Variants in CWF19L2 observed in about 807,000 individuals in gnomAD.
CWF19L2 encodes the protein CWF19 like cell cycle control factor 2.
A neutral mutation model predicts 111.7 loss-of-function variants in CWF19L2; 98 were observed. That is an observed-to-expected ratio of 0.88 (90% confidence interval 0.75 to 1.04). CWF19L2 has a LOEUF of 1.04. CWF19L2 is among the 50% of genes least tolerant of loss of function. CWF19L2 has a pLI of 0.00. For synonymous variants in CWF19L2, 351 were observed against 342.9 expected (o/e 1.02, Z -0.26); for missense variants, 1,101 against 1,051.4 (o/e 1.05, Z -0.65).
intron 16 of CWF19L2, among the ~76,000 whole-genome samples, chr11:107,330,705 G>A (rs1232165455): frequency 7.2e-6 from 1 of 138,196 alleles, no homozygotes; most frequent in African/African-American, 2.8e-5. Context: ...ACTATTTCAT[G>A]ACTAGGAAAA....
chr11:107,408,544 T>A (rs933822613), intron 10 of CWF19L2, among the ~76,000 whole-genome samples: 1 of 151,982 alleles, frequency 6.6e-6, no homozygotes, highest in Non-Finnish European at 1.5e-5. Flanking sequence ...TATACACCAT[T>A]TTCTTTAATT....
At chr11:107,391,595 T>C (rs1860848060) in intron 11 of CWF19L2, among the ~76,000 whole-genome samples, 1 of 152,204 alleles carries the variant, frequency 6.6e-6, no homozygotes, top group African/African-American at 2.4e-5. Flanking sequence ...AGTCCCAGAT[T>C]TTCCTATCAG....
chr11:107,453,993 T>C (rs555935396), intron 3 of CWF19L2, among the ~76,000 whole-genome samples: 25 of 152,260 alleles, frequency 1.6e-4, no homozygotes, highest in Admixed American at 7.2e-4. Context: ...CACAGTTCAA[T>C]AGAACACCAG....
At chr11:107,453,562 CTG>C (rs1418739912) in intron 3 of CWF19L2, among the ~76,000 whole-genome samples, 1 of 151,918 alleles carries the variant, frequency 6.6e-6, no homozygotes, top group African/African-American at 2.4e-5. Flanking sequence ...GTGGCCTTCA[CTG>C]TGTATCTGAG....
At chr11:107,357,220 A>G (rs1377659172) in intron 12 of CWF19L2, among the ~76,000 whole-genome samples, 1 of 152,160 alleles carries the variant, frequency 6.6e-6, no homozygotes, top group Non-Finnish European at 1.5e-5. Flanking sequence ...TAAGAAATCA[A>G]TGTTTGAAAC....
At chr11:107,395,003 G>A (rs1860901509) in intron 10 of CWF19L2, among the ~76,000 whole-genome samples, 1 of 152,150 alleles carries the variant, frequency 6.6e-6, no homozygotes, top group South Asian at 2.1e-4. Context: ...TCCATGATGA[G>A]GTAAGTATAG....
intron 12 of CWF19L2, among the ~76,000 whole-genome samples, chr11:107,359,386 C>T (rs1195875060): frequency 6.6e-6 from 1 of 152,168 alleles, no homozygotes; most frequent in Non-Finnish European, 1.5e-5. Flanking sequence ...GATGTAATTA[C>T]AAGTACCAGC....
At chr11:107,421,478 T>C (rs1325609479) in intron 8 of CWF19L2, among the ~76,000 whole-genome samples, 3 of 152,190 alleles carry the variant, frequency 2.0e-5, no homozygotes, top group South Asian at 4.1e-4. Flanking sequence ...ATAAAATTGA[T>C]AAACCTATAG....
rs1371032720 is a variant in CWF19L2, at chr11:107,378,931, C to A, written c.1872+11143G>T. On this transcript the variant is annotated intron_variant, in intron 12 of 17. Transcript: ENST00000282251. ...GGGCATAGGAAGACAAGATTGGTGA[C>A]AGACTGGATGTGGAGAACAAAGGAG... Among the ~76,000 whole-genome samples the A allele has an allele frequency of 2.0e-5, 3 of 152,070 alleles. No individual in the cohort carries two copies. The East Asian group carries it at 5.8e-4, about 29-fold the overall frequency.
intron 12 of CWF19L2, among the ~76,000 whole-genome samples, chr11:107,354,766 C>T (rs1860211169): frequency 6.6e-6 from 1 of 152,232 alleles, no homozygotes; most frequent in Admixed American, 6.5e-5. Context: ...ATACCTGCTG[C>T]ATTGGCACAT....
chr11:107,338,660 C>T (rs117603955), intron 14 of CWF19L2, among the ~76,000 whole-genome samples: 3,914 of 152,188 alleles, frequency 0.026, 80 homozygotes, highest in Non-Finnish European at 0.039. Flanking sequence ...ATAAGAAAGA[C>T]CATGTGGTGT....
At chr11:107,407,434 G>T (rs1019787542) in intron 10 of CWF19L2, among the ~76,000 whole-genome samples, 1 of 150,998 alleles carries the variant, frequency 6.6e-6, no homozygotes, top group East Asian at 1.9e-4. Context: ...GAACATATAT[G>T]AATTCATCCG....
At chr11:107,334,825 T>C in intron 16 of CWF19L2, 56 bp downstream of exon 16, 1 of 1,092,196 alleles carries the variant, frequency 9.2e-7, no homozygotes, top group African/African-American at 1.6e-5. Flanking sequence ...ACATGGAAAT[T>C]AATAAAGATC....
intron 10 of CWF19L2, among the ~76,000 whole-genome samples, chr11:107,397,611 C>T (rs1860943079): frequency 6.6e-6 from 1 of 151,888 alleles, no homozygotes; most frequent in Admixed American, 6.6e-5. Context: ...AAAGGGCATA[C>T]AACCTTGGGA....
chr11:107,434,683 A>AG (rs1861515650), intron 6 of CWF19L2, among the ~76,000 whole-genome samples: 2 of 101,618 alleles, frequency 2.0e-5, no homozygotes, highest in South Asian at 2.3e-4. Flanking sequence ...AAAAAAAAAA[A>AG]AAAAAAGAAA....
chr11:107,403,740 T>G (rs1861040152), intron 10 of CWF19L2: 4 of 875,596 alleles, frequency 4.6e-6, no homozygotes, highest in Non-Finnish European at 7.8e-6. Context: ...TCCTCCTGCT[T>G]TTTGCCGGTC....
intron 10 of CWF19L2, among the ~76,000 whole-genome samples, chr11:107,393,497 T>C (rs1477493988): frequency 6.6e-6 from 1 of 152,144 alleles, no homozygotes; most frequent in Non-Finnish European, 1.5e-5. Context: ...AAATGGAATG[T>C]TATTGGAAGG....
At chr11:107,420,837 T>A (rs895853983) in intron 8 of CWF19L2, among the ~76,000 whole-genome samples, 5 of 152,086 alleles carry the variant, frequency 3.3e-5, no homozygotes, top group African/African-American at 1.2e-4. Flanking sequence ...GCATGGTTGA[T>A]CATGGGTAAC....
At chr11:107,443,584 A>G (rs1184646717) in intron 3 of CWF19L2, among the ~76,000 whole-genome samples, 1 of 152,218 alleles carries the variant, frequency 6.6e-6, no homozygotes, top group African/African-American at 2.4e-5. Flanking sequence ...TTTATTATCA[A>G]GCCAAGAGAA....
Sources: allele counts gnomAD v4.1 joint callset (sites outside exome capture counted in the v4.1 genomes callset), GRCh38; gene constraint gnomAD v4.1.1; transcripts MANE v1.5; gene names NCBI Gene and HGNC (gene_info 2026-07-23, HGNC 2026-07-21).